Variants in ATP5PF observed in about 807,000 individuals in gnomAD.
The protein encoded by ATP5PF is ATP synthase peripheral stalk subunit F6, also known as ATP synthase peripheral stalk subunit F6, mitochondrial.
In ATP5PF, 7 loss-of-function variants were observed where a neutral mutation model predicts 12.0. That is an observed-to-expected ratio of 0.58 (90% CI 0.33 to 1.10). The LOEUF (loss-of-function observed/expected upper bound fraction) is 1.10, where lower values mean the gene tolerates loss of function less well. ATP5PF is among the 50% of genes least tolerant of loss of function. The pLI is 0.03. For synonymous variants in ATP5PF, 41 were observed against 45.4 expected, an observed-to-expected ratio of 0.90 and a Z score of 0.39; for missense variants, 120 against 127.7, an observed-to-expected ratio of 0.94 and a Z score of 0.29.
intron 1 of ATP5PF, 81 bp downstream of exon 1, chr21:25,734,772 G>C (rs1402865169): frequency 1.5e-6 from 2 of 1,373,630 alleles, no homozygotes; most frequent in African/African-American, 2.9e-5. Flanking sequence ...TAGTAAAGGT[G>C]AGAGGCAGCC....
intron 2 of ATP5PF, among the ~76,000 whole-genome samples, chr21:25,725,792 A>ATT (rs2034604852): frequency 6.6e-6 from 1 of 152,232 alleles, no homozygotes; most frequent in Non-Finnish European, 1.5e-5. Context: ...CAGAAAGAAA[A>ATT]TAAGTATTTC....
chr21:25,724,743 C>T, intron 3 of ATP5PF, 66 bp from the exon 4 acceptor site: 1 of 1,492,410 alleles, frequency 6.7e-7, no homozygotes, highest in Admixed American at 2.3e-5. Context: ...ATGTAGAATG[C>T]TCAAGATTTA....
chr21:25,727,151 T>A (rs866454729), intron 2 of ATP5PF, among the ~76,000 whole-genome samples: 1 of 152,208 alleles, frequency 6.6e-6, no homozygotes, highest in Non-Finnish European at 1.5e-5. Flanking sequence ...ATTTGAATAG[T>A]CTCATGGATA....
chr21:25,734,433 G>C lies in ATP5PF; in HGVS notation c.-8+420C>G, dbSNP rs949717666. ...TGTTAGCACCATCGTTTTTAGGTGG[G>C]ATGCAAACTTTCAATATTATGACTA... On this transcript the variant is annotated intron_variant, in intron 1 of 3. Coordinates refer to ENST00000284971, the MANE Select transcript of ATP5PF (RefSeq NM_001003703.2). 4 of 949,158 alleles carry C rather than the reference G, an allele frequency of 4.2e-6. No individual in the cohort carries two copies. In the Admixed American group the frequency reaches 2.3e-4, roughly 54 times the overall value. The allele number at this position is 949,158 out of a possible 1,614,324, so 58.8% of individuals were successfully genotyped here. A position where few individuals can be genotyped will look rare whatever the true frequency, so the allele number is the denominator to read the frequency against.
chr21:25,732,645 C>CAA (rs1279087632), intron 1 of ATP5PF, among the ~76,000 whole-genome samples: 28 of 119,508 alleles, frequency 2.3e-4, no homozygotes, highest in Non-Finnish European at 3.4e-4. Context: ...AACCCTGTCT[C>CAA]AAAAAAAAAA....
chr21:25,726,933 T>C (rs2034634533), intron 2 of ATP5PF, among the ~76,000 whole-genome samples: 7 of 152,224 alleles, frequency 4.6e-5, no homozygotes, highest in Admixed American at 4.6e-4. Context: ...TTTAAGAACT[T>C]GTTATCAATA....
At position 25,734,444 on chromosome 21, in the gene ATP5PF, T is replaced by C. The variant is rs2034928827; in HGVS notation, c.-8+409A>G. 3 of 916,488 alleles carry C rather than the reference T, an allele frequency of 3.3e-6. No individual in the cohort carries two copies. The African/African-American group carries it at 5.4e-5, about 16-fold the overall frequency. The allele number at this position is 916,488 out of a possible 1,614,324, so 56.8% of individuals were successfully genotyped here. A position where few individuals can be genotyped will look rare whatever the true frequency, so the allele number is the denominator to read the frequency against. On this transcript the variant is annotated intron_variant, in intron 1 of 3. Transcript: ENST00000284971. Reference sequence around the variant, plus strand: ...TCGTTTTTAGGTGGGATGCAAACTTTCAATATTATGACTAATTTTTTCCCT... The same window carrying C: ...TCGTTTTTAGGTGGGATGCAAACTTCCAATATTATGACTAATTTTTTCCCT...
upstream of ATP5PF, chr21:25,735,190 T>G: frequency 1.7e-6 from 1 of 599,634 alleles, no homozygotes; most frequent in Non-Finnish European, 3.0e-6. Flanking sequence ...GAGTGGCCTT[T>G]CCCCTAGTTC....
intron 3 of ATP5PF, chr21:25,724,983 A>G (rs527673472): frequency 1.7e-6 from 1 of 601,414 alleles, no homozygotes; most frequent in East Asian, 3.0e-5. Flanking sequence ...GAAAGTGATT[A>G]TAAGGATTCA....
rs754987252 is a variant in ATP5PF, at chr21:25,725,334, C to T, written c.181G>A (p.Val61Ile). The T allele has an allele frequency of 5.6e-6, 9 of 1,602,246 alleles. No individual in the cohort carries two copies. Among genetic ancestry groups the T allele is most frequent in the Non-Finnish European group, 7.6e-6 (9 of 1,177,460 alleles). The change falls in exon 3 of 4, where the codon GTT becomes ATT. Residue 61 changes from valine (V) to isoleucine (I), a missense_variant. Coordinates refer to ENST00000284971, the MANE Select transcript of ATP5PF (RefSeq NM_001003703.2). ...TGCTGATACTCTGAACTAGCATCAA[C>T]AGGTCCTCCAGATGTCCTGTTAAGT... ...KSKRQTSGGP[V>I]DASSEYQQEL...
chr21:25,730,325 A>C (rs529947913), intron 1 of ATP5PF, among the ~76,000 whole-genome samples: 45 of 152,354 alleles, frequency 3.0e-4, no homozygotes, highest in Middle Eastern at 3.4e-3. Flanking sequence ...AAGAACCAGC[A>C]AAGAAAAACA....
In ATP5PF at chr21:25,733,802, G is replaced by A. The variant is rs191556812; in HGVS notation, c.-8+1051C>T. On this transcript the variant is annotated intron_variant, in intron 1 of 3. Transcript: ENST00000284971. The stretch of plus-strand genomic sequence containing the variant: ...AGATGATAAAACTGTATCTAAGAAA[G>A]ATTAAGCTGCACGTATTCTCACAGT... 3.9e-5 allele frequency among the ~76,000 whole-genome samples: 6 copies of A among 152,288 alleles called. No homozygotes were observed. The East Asian group carries it at 1.2e-3, about 29-fold the overall frequency.
chr21:25,728,035 C>T (rs142449960), intron 2 of ATP5PF, among the ~76,000 whole-genome samples: 10 of 152,286 alleles, frequency 6.6e-5, no homozygotes, highest in African/African-American at 2.4e-4. Flanking sequence ...GTTCCCTCTT[C>T]TTCCTCTCCA....
At chr21:25,731,925 A>G (rs1026109351) in intron 1 of ATP5PF, among the ~76,000 whole-genome samples, 1 of 152,160 alleles carries the variant, frequency 6.6e-6, no homozygotes, top group Non-Finnish European at 1.5e-5. Context: ...TCTCTAAAAA[A>G]TTAGAGCTTG....
At chr21:25,734,486 CT>C (rs1199220597) in intron 1 of ATP5PF, 5 of 729,630 alleles carry the variant, frequency 6.9e-6, no homozygotes, top group Non-Finnish European at 8.6e-6. Flanking sequence ...GGTACACGTT[CT>C]GCCTAAGTAG....
In ATP5PF at chr21:25,725,241, T is replaced by C. The variant is rs1033273480; in HGVS notation, c.274A>G (p.Thr92Ala). The C allele has an allele frequency of 6.2e-7, 1 of 1,608,910 alleles. No homozygotes were observed. The highest frequency in any genetic ancestry group is 1.3e-5 in the African/African-American group (1 of 74,798). ...TAAGACGTACCTTCAAATTTGAAGGTGGGAAATGTATTCATGTCTGCATTA... is the reference window on the plus strand; with the variant it reads ...TAAGACGTACCTTCAAATTTGAAGGCGGGAAATGTATTCATGTCTGCATTA... Reference protein sequence around the residue: ...FGNADMNTFPTFKFEDPKFEV... With the variant: ...FGNADMNTFPAFKFEDPKFEV... Residue 92 changes from threonine to alanine, a missense_variant, in exon 3 of 4, where the codon ACC becomes GCC. By Grantham distance (58) the Thr-to-Ala change is moderately conservative. Coordinates refer to ENST00000284971, the MANE Select transcript of ATP5PF (RefSeq NM_001003703.2).
At chr21:25,732,919 T>G (rs1221942075) in intron 1 of ATP5PF, among the ~76,000 whole-genome samples, 2 of 130,864 alleles carry the variant, frequency 1.5e-5, no homozygotes, top group African/African-American at 5.9e-5. Context: ...GAGGCGGAGG[T>G]TGCGGTGAGC....
In ATP5PF at chr21:25,725,959, G is replaced by T. The variant is rs563776899; in HGVS notation, c.165-609C>A. Among the ~76,000 whole-genome samples, 112 of 152,302 alleles carry T rather than the reference G, an allele frequency of 7.4e-4. 1 individual carries two copies. The highest frequency in any genetic ancestry group is 2.6e-3 in the African/African-American group (108 of 41,572). On this transcript the variant is annotated intron_variant, in intron 2 of 3. Transcript: ENST00000284971. Reference sequence around the variant, plus strand: ...TAAGTTGCAAAAGGTGTATCGTTAAGTCTACAGGCTCTGGAGTCAAAGACT... The same window carrying T: ...TAAGTTGCAAAAGGTGTATCGTTAATTCTACAGGCTCTGGAGTCAAAGACT...
intron 1 of ATP5PF, among the ~76,000 whole-genome samples, chr21:25,732,432 A>G (rs1331093451): frequency 6.6e-6 from 1 of 152,012 alleles, no homozygotes; most frequent in Non-Finnish European, 1.5e-5. Flanking sequence ...GGATCACTTA[A>G]GCCCAGGAAT....
Sources: gnomAD v4.1 joint callset for allele counts (sites outside exome capture counted in the v4.1 genomes callset) on GRCh38, gnomAD v4.1.1 for gene constraint, MANE v1.5 for transcripts, NCBI Gene and HGNC (gene_info 2026-07-23, HGNC 2026-07-21) for gene names.